DNAJA2: variants seen among roughly 807,000 people sequenced by gnomAD.
DNAJA2 encodes DnaJ heat shock protein family (Hsp40) member A2.
A neutral mutation model predicts 49.3 loss-of-function variants in DNAJA2; 6 were observed. The observed-to-expected ratio is 0.12, with a 90% CI of 0.07 to 0.24. DNAJA2 has a LOEUF of 0.24. DNAJA2 is among the 10% of genes least tolerant of loss of function. The pLI, the probability that DNAJA2 is intolerant of heterozygous loss-of-function variation, is 1.00. For synonymous variants in DNAJA2, 160 were observed against 172.7 expected (o/e 0.93, Z 0.58); for missense variants, 347 against 516.8 (o/e 0.67, Z 3.19).
intron 5 of DNAJA2, among the ~76,000 whole-genome samples, chr16:46,966,387 C>G (rs902386321): frequency 2.6e-5 from 4 of 152,130 alleles, no homozygotes; most frequent in African/African-American, 9.7e-5. Context: ...CCACTATCAA[C>G]CTGTAGCTAC....
chr16:46,971,749 T>C lies in DNAJA2; in HGVS notation c.138+147A>G. ...GCTCCTCAGAATGGTAGTACTCTTA[T>C]TCTAAAACTAAAATACTCTTGACAT... is the stretch of plus-strand genomic sequence containing the variant. On this transcript the variant is annotated intron_variant, in intron 2 of 8. Coordinates refer to ENST00000317089, the MANE Select transcript of DNAJA2 (RefSeq NM_005880.4). 3.3e-6 allele frequency: 3 copies of C among 912,080 alleles called. No homozygotes were observed. In the South Asian group the frequency reaches 4.3e-5, roughly 13 times the overall value. 56.5% of individuals were successfully genotyped at this position (912,080 alleles called of 1,614,324 possible). A position where few individuals can be genotyped will look rare whatever the true frequency, so the allele number is the denominator to read the frequency against.
At chr16:46,971,676 A>AAAAT in intron 2 of DNAJA2, 104 bp from the exon 3 acceptor site, 1 of 984,280 alleles carries the variant, frequency 1.0e-6, no homozygotes, top group Non-Finnish European at 1.5e-6. Flanking sequence ...AAAAAAAAAA[A>AAAAT]GGGACAAGTT....
chr16:46,968,635 T>C (rs1362583524), intron 3 of DNAJA2, among the ~76,000 whole-genome samples: 2 of 152,134 alleles, frequency 1.3e-5, no homozygotes, highest in Non-Finnish European at 2.9e-5. Flanking sequence ...GTTTCCTCCA[T>C]GGACAATTTA....
intron 5 of DNAJA2, among the ~76,000 whole-genome samples, chr16:46,965,704 G>A (rs1053099661): frequency 6.7e-6 from 1 of 148,820 alleles, no homozygotes; most frequent in African/African-American, 2.5e-5. Flanking sequence ...GGTGGCAGGC[G>A]CCTGTAATCC....
intron 1 of DNAJA2, 99 bp downstream of exon 1, chr16:46,973,396 G>A (rs1962085933): frequency 1.8e-6 from 2 of 1,120,750 alleles, no homozygotes; most frequent in Non-Finnish European, 2.3e-6. Context: ...GGCCGGCGCC[G>A]GCTCGCGGGC....
chr16:46,968,404 G>T (rs1207024607), intron 3 of DNAJA2, among the ~76,000 whole-genome samples: 1 of 152,166 alleles, frequency 6.6e-6, no homozygotes, highest in Non-Finnish European at 1.5e-5. Flanking sequence ...ATAGCATCAG[G>T]CCAACAATTT....
At chr16:46,970,749 A>T (rs1962033514) in intron 3 of DNAJA2, among the ~76,000 whole-genome samples, 1 of 145,346 alleles carries the variant, frequency 6.9e-6, no homozygotes, top group Admixed American at 7.0e-5. Context: ...AAAAAAAAAA[A>T]AAAAAAAGGT....
At position 46,968,172 on chromosome 16, in the gene DNAJA2, G is replaced by GA; in HGVS notation, c.363-9dup. 2 of 1,577,348 alleles carry GA rather than the reference G, an allele frequency of 1.3e-6. No individual in the cohort carries two copies. The highest frequency in any genetic ancestry group is 1.7e-6 in the Non-Finnish European group (2 of 1,165,644). On this transcript the variant is annotated splice_polypyrimidine_tract_variant and intron_variant, in intron 3 of 8. Coordinates refer to ENST00000317089, the MANE Select transcript of DNAJA2 (RefSeq NM_005880.4). ...AGATCTTCTAAAGATACTCTGGAAAGAAAAGAATCGGCTTCAATCAAATTT... is the reference window on the plus strand; with the variant it reads ...AGATCTTCTAAAGATACTCTGGAAAGAAAAAGAATCGGCTTCAATCAAATTT...
chr16:46,971,665 A>AAAAAAAAC, intron 2 of DNAJA2, 93 bp from the exon 3 acceptor site: 1 of 992,036 alleles, frequency 1.0e-6, no homozygotes, highest in Non-Finnish European at 1.5e-6. Flanking sequence ...TAATTCTAAA[A>AAAAAAAAC]AAAAAAAAAA....
At chr16:46,965,772 G>A (rs1218021986) in intron 5 of DNAJA2, among the ~76,000 whole-genome samples, 2 of 151,042 alleles carry the variant, frequency 1.3e-5, no homozygotes, top group South Asian at 2.1e-4. Flanking sequence ...CAGAGGCTTC[G>A]GTGAGCTGAG....
intron 2 of DNAJA2, 22 bp downstream of exon 2, chr16:46,971,873 TA>T: frequency 6.3e-7 from 1 of 1,595,682 alleles, no homozygotes; most frequent in Non-Finnish European, 8.6e-7. Flanking sequence ...ACCCCCGGAA[TA>T]AAAAAGGTGC....
At chr16:46,958,289 C>T (rs1036674436) in intron 8 of DNAJA2, among the ~76,000 whole-genome samples, 3 of 152,174 alleles carry the variant, frequency 2.0e-5, no homozygotes, top group East Asian at 1.9e-4. Context: ...CAGTGGCTCA[C>T]GCCTGTAATC....
At chr16:46,959,207 A>G in intron 7 of DNAJA2, 68 bp downstream of exon 7, 2 of 1,581,862 alleles carry the variant, frequency 1.3e-6, no homozygotes, top group Non-Finnish European at 1.7e-6. Context: ...TGCAGTATAA[A>G]AAAATTACAA....
intron 5 of DNAJA2, among the ~76,000 whole-genome samples, 172 bp downstream of exon 5, chr16:46,967,341 C>G (rs146627746): frequency 4.6e-5 from 7 of 152,294 alleles, no homozygotes; most frequent in Middle Eastern, 6.8e-3. Context: ...GAGCAATCCA[C>G]CTCTGTCTCC....
intron 1 of DNAJA2, chr16:46,972,215 GAA>G (rs1187401360): frequency 2.4e-6 from 1 of 421,094 alleles, no homozygotes; most frequent in Non-Finnish European, 4.2e-6. Flanking sequence ...ATGCCACAGG[GAA>G]AAACAAAACG....
In DNAJA2 at chr16:46,967,577, G is replaced by T; in HGVS notation, c.513C>A (p.Ile171=). Residue 171 remains isoleucine (I), a synonymous_variant, in exon 5 of 9, where the codon ATC becomes ATA. Coordinates refer to ENST00000317089, the MANE Select transcript of DNAJA2 (RefSeq NM_005880.4). ...GTACCATCCCTGGAGCCAGCTGTCT[G>T]ATCATGATGCGCACACCTCGACCTC... ...ACRGRGVRIM[I]RQLAPGMVQQ... is the part of the protein sequence containing the mutation. 1.4e-5 allele frequency: 23 copies of T among 1,614,178 alleles called. No individual in the cohort carries two copies. The highest frequency in any genetic ancestry group is 1.9e-5 in the Non-Finnish European group (23 of 1,180,032).
Position 46,964,801 on chromosome 16 carries a change from A to C in DNAJA2, c.584T>G (p.Val195Gly), listed in dbSNP as rs1428676109. 1 of 1,613,240 alleles carries C rather than the reference A, an allele frequency of 6.2e-7. No homozygotes were observed. Among genetic ancestry groups the C allele is most frequent in the South Asian group, 1.1e-5 (1 of 91,012 alleles). Residue 195 changes from valine to glycine, a missense_variant, in exon 6 of 9, where the codon GTA (valine) becomes GGA (glycine). Transcript: ENST00000317089. ...VCSDCNGEGE[V>G]INEKDRCKKC... ...TTTACAGCGGTCTTTTTCATTAATTACCTCTCCTGGAAAGAGAAGTCATTG... is the reference window on the plus strand; with the variant it reads ...TTTACAGCGGTCTTTTTCATTAATTCCCTCTCCTGGAAAGAGAAGTCATTG...
chr16:46,964,450 T>G (rs1028183638), intron 6 of DNAJA2, among the ~76,000 whole-genome samples, 161 bp downstream of exon 6: 1 of 152,222 alleles, frequency 6.6e-6, no homozygotes, highest in African/African-American at 2.4e-5. Flanking sequence ...CTTGTTAGTC[T>G]TTCTTACACA....
rs1962091958 is a variant in DNAJA2 at position 46,973,629 on chromosome 16, G to A, written c.-57C>T. The A allele has an allele frequency of 1.9e-6, 3 of 1,547,672 alleles. No homozygotes were observed. Among genetic ancestry groups the A allele is most frequent in the East Asian group, 2.5e-5 (1 of 40,452 alleles). ...GTGGCGAAGCAGACAGAGCGGAGTC[G>A]GGCCCACAAGCGGCGTCGGCGGCGG... On this transcript the variant is annotated 5_prime_UTR_variant, in exon 1 of 9. Coordinates refer to ENST00000317089, the MANE Select transcript of DNAJA2 (RefSeq NM_005880.4).
Sources: allele counts gnomAD v4.1 joint callset (sites outside exome capture counted in the v4.1 genomes callset), GRCh38; gene constraint gnomAD v4.1.1; transcripts MANE v1.5; gene names NCBI Gene and HGNC (gene_info 2026-07-23, HGNC 2026-07-21).